Variants in CUL3 observed in about 807,000 individuals in gnomAD.
The protein encoded by CUL3 is cullin-3.
CUL3 carries 19 observed loss-of-function variants against 89.1 expected under a neutral mutation model. That is an observed-to-expected ratio of 0.21 (90% CI 0.15 to 0.31). The LOEUF (loss-of-function observed/expected upper bound fraction) is 0.31, where lower values mean the gene tolerates loss of function less well. CUL3 is among the 10% of genes least tolerant of loss of function. The pLI is 1.00. For synonymous variants in CUL3, 351 were observed against 308.4 expected (o/e 1.14, Z -1.45); for missense variants, 469 against 942.3 (o/e 0.50, Z 6.58).
At chr2:224,561,769 T>G (rs531343398) in intron 1 of CUL3, among the ~76,000 whole-genome samples, 1 of 152,268 alleles carries the variant, frequency 6.6e-6, no homozygotes, top group South Asian at 2.1e-4. Context: ...AACAGAAGAT[T>G]CAAGGCCATG....
chr2:224,506,281 T>C lies in CUL3; in HGVS notation c.1030-149A>G, dbSNP rs190175591. 660 of 562,972 alleles carry C rather than the reference T, an allele frequency of 1.2e-3. 4 individuals carry two copies. Among genetic ancestry groups the C allele is most frequent in the African/African-American group, 0.012 (608 of 52,380 alleles). The allele number at this position is 562,972 out of a possible 1,614,324, so 34.9% of individuals were successfully genotyped here. A position where few individuals can be genotyped will look rare whatever the true frequency, so the allele number is the denominator to read the frequency against. On this transcript the variant is annotated intron_variant, in intron 7 of 15. Transcript: ENST00000264414. Reference sequence around the variant, plus strand: ...ACAGTTTTGATATTATTTTCAAGCCTATATCTAAGCCTCTATTAAAAATGT... The same window carrying C: ...ACAGTTTTGATATTATTTTCAAGCCCATATCTAAGCCTCTATTAAAAATGT...
chr2:224,474,920 T>C (rs1691258905), intron 15 of CUL3, among the ~76,000 whole-genome samples: 1 of 152,240 alleles, frequency 6.6e-6, no homozygotes, highest in Non-Finnish European at 1.5e-5. Flanking sequence ...GGATTCTAAG[T>C]ACTGTGCTAT....
At chr2:224,576,994 G>A (rs1220969669) in intron 1 of CUL3, among the ~76,000 whole-genome samples, 2 of 152,098 alleles carry the variant, frequency 1.3e-5, no homozygotes, top group Non-Finnish European at 2.9e-5. Flanking sequence ...TGGCTCTGCA[G>A]GCTTTTCAAA....
chr2:224,492,731 T>C lies in CUL3; in HGVS notation c.1842+3101A>G, dbSNP rs1463932249. ...TTAATGCCACCTGTTGTAGCCAGCT[T>C]CTATGACAGCACGTAATAACCCTGG... On this transcript the variant is annotated intron_variant, in intron 13 of 15. Transcript: ENST00000264414. Among the ~76,000 whole-genome samples, 4 of 152,314 alleles carry C rather than the reference T, an allele frequency of 2.6e-5. No individual in the cohort carries two copies. The East Asian group carries it at 7.7e-4, about 29-fold the overall frequency.
chr2:224,574,655 C>T (rs555565300), intron 1 of CUL3, among the ~76,000 whole-genome samples: 2 of 152,102 alleles, frequency 1.3e-5, no homozygotes, highest in Non-Finnish European at 1.5e-5. Flanking sequence ...TCCCTGTAAA[C>T]GTTTGAAAAT....
chr2:224,485,845 C>T lies in CUL3; in HGVS notation c.1843-3767G>A, dbSNP rs1312570733. 6.6e-6 allele frequency among the ~76,000 whole-genome samples: 1 copy of T among 152,220 alleles called. No individual in the cohort carries two copies. The highest frequency in any genetic ancestry group is 1.5e-5 in the Non-Finnish European group (1 of 68,038). ...ACCTCCCAGCAGGGGTCAACAGACA[C>T]CTCATACAGGAGAGCTCCGGCTGGC... On this transcript the variant is annotated intron_variant, in intron 13 of 15. Coordinates refer to ENST00000264414, the MANE Select transcript of CUL3 (RefSeq NM_003590.5). This position sits in a 1 kb window ranked among gnomAD's most constrained non-coding sequence, Gnocchi z 4.1.
chr2:224,551,255 G>A (rs1388993115), intron 2 of CUL3, among the ~76,000 whole-genome samples: 1 of 150,382 alleles, frequency 6.6e-6, no homozygotes, highest in African/African-American at 2.4e-5. Context: ...GCCCAGGCTG[G>A]AGTGCAGTGG....
intron 13 of CUL3, among the ~76,000 whole-genome samples, chr2:224,490,459 G>A (rs1691921452): frequency 6.6e-6 from 1 of 151,752 alleles, no homozygotes; most frequent in African/African-American, 2.4e-5. Context: ...TCCAATAACA[G>A]CGCAGCCAGG....
chr2:224,574,092 A>G (rs994173737), intron 1 of CUL3, among the ~76,000 whole-genome samples: 1 of 152,222 alleles, frequency 6.6e-6, no homozygotes, highest in Non-Finnish European at 1.5e-5. Context: ...ATGTGAAGGA[A>G]TTCCTCTTAG....
At position 224,554,123 on chromosome 2, in the gene CUL3, C is replaced by T. The variant is rs564419296; in HGVS notation, c.264+3536G>A. Among the ~76,000 whole-genome samples, 4 of 152,256 alleles carry T rather than the reference C, an allele frequency of 2.6e-5. No homozygotes were observed. In the East Asian group the frequency reaches 5.8e-4, roughly 22 times the overall value. On this transcript the variant is annotated intron_variant, in intron 2 of 15. Transcript: ENST00000264414. ...CGAGCCACTTCTCAACCCTAACACA[C>T]AACTACTGATGTTTTTTTCTGCACC...
intron 1 of CUL3, among the ~76,000 whole-genome samples, chr2:224,572,142 A>G (rs138262032): frequency 1.3e-5 from 2 of 152,272 alleles, no homozygotes; most frequent in Non-Finnish European, 2.9e-5. Context: ...AAGAGAAAAG[A>G]GCTTTTAACC....
chr2:224,578,718 TAAA>T (rs371066594), intron 1 of CUL3, among the ~76,000 whole-genome samples: 2 of 151,956 alleles, frequency 1.3e-5, no homozygotes, highest in Admixed American at 6.6e-5. Flanking sequence ...GAACTACTTT[TAAA>T]AAAAAGTTGC....
In CUL3 at chr2:224,473,040, G is replaced by A. The variant is rs1415750118; in HGVS notation, c.*1205C>T. The A allele has an allele frequency of 2.0e-5, 4 of 198,302 alleles. No individual in the cohort carries two copies. In the East Asian group the frequency reaches 2.4e-4, roughly 12 times the overall value. The allele number at this position is 198,302 out of a possible 1,614,324, so 12.3% of individuals were successfully genotyped here. ...AATACTCTGGAAGCACAGGATATCTGACAAGAATCTTCAGCACAAAGCACA... is the reference window on the plus strand; with the variant it reads ...AATACTCTGGAAGCACAGGATATCTAACAAGAATCTTCAGCACAAAGCACA... On this transcript the variant is annotated 3_prime_UTR_variant, in exon 16 of 16. Transcript: ENST00000264414.
At position 224,575,733 on chromosome 2, in the gene CUL3, C is replaced by T. The variant is rs1559242908; in HGVS notation, c.66+9211G>A. Among the ~76,000 whole-genome samples the T allele has an allele frequency of 3.3e-5, 5 of 152,220 alleles. No individual in the cohort carries two copies. In the South Asian group the frequency reaches 1.0e-3, roughly 32 times the overall value. On this transcript the variant is annotated intron_variant, in intron 1 of 15. Transcript: ENST00000264414. ...TGCAAAAGAGGGAACAGACAAGACA[C>T]TAAGTGATTTGCTCAAAGTCCTACA...
chr2:224,521,467 G>T (rs1449030541), intron 3 of CUL3, among the ~76,000 whole-genome samples: 1 of 147,296 alleles, frequency 6.8e-6, no homozygotes, highest in African/African-American at 2.5e-5. Flanking sequence ...GTCTCGCTCT[G>T]TTGCCCAGGC....
At chr2:224,487,281 G>A (rs564175031) in intron 13 of CUL3, among the ~76,000 whole-genome samples, 3 of 152,116 alleles carry the variant, frequency 2.0e-5, no homozygotes, top group Non-Finnish European at 4.4e-5. Flanking sequence ...TACCTTAAAC[G>A]TAAAGGGGCT....
intron 2 of CUL3, among the ~76,000 whole-genome samples, chr2:224,537,672 C>T (rs1693945669): frequency 2.0e-5 from 3 of 152,056 alleles, no homozygotes; most frequent in Non-Finnish European, 4.4e-5. Flanking sequence ...CATGACAATG[C>T]AAGAGCAATC....
intron 1 of CUL3, among the ~76,000 whole-genome samples, chr2:224,577,306 C>T (rs956625815): frequency 1.1e-4 from 17 of 152,148 alleles, no homozygotes; most frequent in Non-Finnish European, 1.6e-4. Flanking sequence ...CGGTGGCTCA[C>T]GCCTGTAATC....
At chr2:224,569,783 C>A (rs1695138762) in intron 1 of CUL3, 2 of 1,173,606 alleles carry the variant, frequency 1.7e-6, no homozygotes, top group African/African-American at 1.7e-5. Flanking sequence ...CTACTACATA[C>A]AAAGGACAAG....
Sources: gnomAD v4.1 joint callset for allele counts (sites outside exome capture counted in the v4.1 genomes callset) on GRCh38, gnomAD v4.1.1 for gene constraint, Gnocchi (gnomAD v3.1) non-coding constraint, MANE v1.5 for transcripts, NCBI Gene and HGNC (gene_info 2026-07-23, HGNC 2026-07-21) for gene names.